The following TPRX1 variants were observed in gnomAD, a reference collection of about 807,000 sequenced individuals.
The protein encoded by TPRX1 is tetrapeptide repeat homeobox 1.
TPRX1 carries 2 observed loss-of-function variants against 8.1 expected under a neutral mutation model. The ratio of observed to expected loss-of-function variants is 0.25; its 90% CI spans 0.10 to 0.78. The LOEUF is 0.78. TPRX1 is among the 30% of genes least tolerant of loss of function. TPRX1 has a pLI of 0.70. For missense variants in TPRX1, 517 were observed against 586.9 expected (o/e 0.88, Z 1.23); for synonymous variants, 257 against 254.1 (o/e 1.01, Z -0.11).
intron 2 of TPRX1, chr19:47,818,373 A>AT: frequency 2.8e-6 from 1 of 359,720 alleles, no homozygotes; most frequent in Non-Finnish European, 5.4e-6. Flanking sequence ...TCCATCATCC[A>AT]TCACCCATCC....
chr19:47,815,145 CAA>C (rs1967825644), intron 2 of TPRX1, among the ~76,000 whole-genome samples: 2 of 33,858 alleles, frequency 5.9e-5, no homozygotes, highest in African/African-American at 2.2e-4. Flanking sequence ...TATATATATG[CAA>C]ATATATATAT....
intron 3 of TPRX1, 109 bp downstream of exon 2, chr19:47,803,395 T>G: frequency 3.1e-6 from 2 of 650,340 alleles, no homozygotes; most frequent in East Asian, 5.8e-5. Flanking sequence ...CGGGACCCCT[T>G]GCGTGGCAGG....
chr19:47,802,324 G>C (rs898750414), exon 4 of TPRX1: 2 of 1,496,976 alleles, frequency 1.3e-6, no homozygotes, highest in African/African-American at 1.5e-5. Context: ...CTGAGATTGG[G>C]CCTGGGATTG....
At chr19:47,805,950 C>T (rs1018663701) in intron 2 of TPRX1, among the ~76,000 whole-genome samples, 2 of 152,340 alleles carry the variant, frequency 1.3e-5, no homozygotes, top group Middle Eastern at 3.4e-3. Context: ...CATGGCCAGG[C>T]GCGGTGGCTC....
chr19:47,802,796 C>T (rs774215922), exon 4 of TPRX1: 1 of 1,602,838 alleles, frequency 6.2e-7, no homozygotes, highest in South Asian at 1.1e-5. Context: ...CTGGTGGAGG[C>T]TGCAGATCGT....
intron 2 of TPRX1, among the ~76,000 whole-genome samples, chr19:47,813,008 G>A (rs1461870907): frequency 6.6e-6 from 1 of 151,906 alleles, no homozygotes; most frequent in African/African-American, 2.4e-5. Flanking sequence ...TCAGGAGGTT[G>A]AAGCAGGAGA....
chr19:47,809,541 C>T (rs1967764032), intron 2 of TPRX1, among the ~76,000 whole-genome samples: 1 of 152,052 alleles, frequency 6.6e-6, no homozygotes, highest in Non-Finnish European at 1.5e-5. Context: ...TGTTGGCCTC[C>T]CAAAGTGCTG....
chr19:47,815,206 G>A (rs1280713895), intron 2 of TPRX1, among the ~76,000 whole-genome samples: 1 of 120,110 alleles, frequency 8.3e-6, no homozygotes, highest in East Asian at 2.1e-4. Context: ...CTAGGCTGGA[G>A]TGCAGTGGTG....
intron 2 of TPRX1, among the ~76,000 whole-genome samples, chr19:47,805,013 C>A (rs568846199): frequency 1.3e-5 from 2 of 152,334 alleles, no homozygotes; most frequent in South Asian, 4.1e-4. Context: ...ACTATCCCTC[C>A]TTCCTGGATG....
chr19:47,815,795 G>C (rs1967834827), intron 2 of TPRX1, among the ~76,000 whole-genome samples: 1 of 151,628 alleles, frequency 6.6e-6, no homozygotes, highest in Non-Finnish European at 1.5e-5. Flanking sequence ...CTGGGCAACA[G>C]AGCAAGACCC....
intron 2 of TPRX1, among the ~76,000 whole-genome samples, chr19:47,816,172 A>G (rs6509343): frequency 0.64 from 97,427 of 151,236 alleles, 33,104 homozygotes; most frequent in African/African-American, 0.86. Context: ...GGGTTCAAGC[A>G]ATTCTCATGC....
chr19:47,813,199 C>T (rs1004585636), intron 2 of TPRX1, among the ~76,000 whole-genome samples: 3 of 147,224 alleles, frequency 2.0e-5, no homozygotes, highest in Non-Finnish European at 3.0e-5. Context: ...GAGTGGCGTG[C>T]TCCTGTAGTC....
exon 4 of TPRX1, chr19:47,802,576 G>T: frequency 1.3e-6 from 2 of 1,550,982 alleles, no homozygotes; most frequent in Middle Eastern, 1.7e-4. Context: ...ATGGGCCTGG[G>T]ATCTGGACTG....
exon 4 of TPRX1, chr19:47,801,928 G>A (rs762631251): frequency 2.5e-6 from 4 of 1,614,184 alleles, no homozygotes; most frequent in South Asian, 2.2e-5. Flanking sequence ...CCTCCAAGGG[G>A]TCTAGGGGTA....
chr19:47,813,962 G>GGGGGT (rs1967808728), intron 2 of TPRX1, among the ~76,000 whole-genome samples: 1 of 150,370 alleles, frequency 6.7e-6, no homozygotes, highest in South Asian at 2.1e-4. Context: ...GGGGCGGGGT[G>GGGGGT]GGGGTGGGGT....
chr19:47,818,363 TC>T lies in TPRX1; in HGVS notation c.151+104del, dbSNP rs368766263. 63 of 330,084 alleles carry T rather than the reference TC, an allele frequency of 1.9e-4. 5 individuals carry two copies. Among genetic ancestry groups the T allele is most frequent in the East Asian group, 1.0e-3 (10 of 9,872 alleles). The allele number at this position is 330,084 out of a possible 1,614,324, so 20.4% of individuals were successfully genotyped here. A position where few individuals can be genotyped will look rare whatever the true frequency, so the allele number is the denominator to read the frequency against. On this transcript the variant is annotated intron_variant, in intron 2 of 3. Coordinates refer to ENST00000535759, the Ensembl canonical transcript of TPRX1. ...CATCATCCATCCATCCATCCATCCA[TC>T]CATCATCCATCACCCATCCATCCCT... is the stretch of plus-strand genomic sequence containing the variant.
intron 2 of TPRX1, among the ~76,000 whole-genome samples, chr19:47,816,812 G>C (rs149335816): frequency 2.0e-5 from 3 of 152,188 alleles, no homozygotes; most frequent in African/African-American, 7.2e-5. Context: ...GATTACAGGC[G>C]TGAGCCACCA....
intron 2 of TPRX1, among the ~76,000 whole-genome samples, chr19:47,813,708 C>T (rs1967805709): frequency 6.7e-6 from 1 of 149,256 alleles, no homozygotes; most frequent in Admixed American, 6.7e-5. Context: ...CTTCCAGGGT[C>T]TGACAAGCAG....
intron 2 of TPRX1, among the ~76,000 whole-genome samples, chr19:47,815,163 T>TGCAAATATATATATATATATATATA (rs201060804): frequency 8.1e-5 from 7 of 86,274 alleles, no homozygotes; most frequent in African/African-American, 3.9e-4. Flanking sequence ...TATATATATA[T>TGCAAATATATATATATATATATATA]TTTTTTTTTT....
Sources: gnomAD v4.1 joint callset for allele counts (sites outside exome capture counted in the v4.1 genomes callset) on GRCh38, gnomAD v4.1.1 for gene constraint, MANE v1.5 for transcripts, NCBI Gene and HGNC (gene_info 2026-07-23, HGNC 2026-07-21) for gene names.